The following NTM variants were observed in gnomAD, a reference collection of about 807,000 sequenced individuals.
The protein encoded by NTM is IgLON family member 2.
NTM carries 13 observed loss-of-function variants against 42.1 expected under a neutral mutation model. The observed-to-expected ratio is 0.31, with a 90% CI of 0.20 to 0.49. NTM has a LOEUF of 0.49. NTM is among the 20% of genes least tolerant of loss of function. The probability of loss-of-function intolerance (pLI) is 0.99; values close to 1 mark genes in which losing one functional copy is unlikely to be tolerated. For synonymous variants in NTM, 187 were observed against 179.2 expected (o/e 1.04, Z -0.35); for missense variants, 373 against 452.8 (o/e 0.82, Z 1.60).
intron 1 of NTM, among the ~76,000 whole-genome samples, chr11:131,496,932 G>C (rs1019669282): frequency 2.6e-5 from 4 of 152,204 alleles, no homozygotes; most frequent in African/African-American, 9.6e-5. Context: ...ACCAGCACTG[G>C]AACCTCAGGC....
intron 2 of NTM, among the ~76,000 whole-genome samples, chr11:132,062,388 A>G (rs553752326): frequency 6.6e-6 from 1 of 152,346 alleles, no homozygotes; most frequent in African/African-American, 2.4e-5. Flanking sequence ...AGCTCATTCT[A>G]CAGCACTTCT....
At chr11:131,800,776 C>T (rs2092038780) in intron 1 of NTM, among the ~76,000 whole-genome samples, 1 of 152,158 alleles carries the variant, frequency 6.6e-6, no homozygotes, top group Non-Finnish European at 1.5e-5. Context: ...TTCCTGCAGA[C>T]ATCACAACCT....
chr11:131,803,828 C>G (rs2092322179), intron 1 of NTM, among the ~76,000 whole-genome samples: 1 of 152,220 alleles, frequency 6.6e-6, no homozygotes, highest in Admixed American at 6.5e-5. Flanking sequence ...AAAGCATTCT[C>G]TAGAGTTCTG....
intron 2 of NTM, among the ~76,000 whole-genome samples, chr11:132,022,555 C>A (rs540553493): frequency 2.2e-5 from 3 of 137,584 alleles, no homozygotes; most frequent in Non-Finnish European, 5.1e-5. Context: ...AACTAAGAGC[C>A]CTCTAACACT....
chr11:131,661,448 G>A (rs1415536072), intron 1 of NTM, among the ~76,000 whole-genome samples: 1 of 152,178 alleles, frequency 6.6e-6, no homozygotes, highest in Non-Finnish European at 1.5e-5. Context: ...GAAATTTCTG[G>A]ACAGAAAGGA....
At chr11:131,959,300 G>T (rs546327367) in intron 2 of NTM, among the ~76,000 whole-genome samples, 2 of 152,248 alleles carry the variant, frequency 1.3e-5, no homozygotes, top group South Asian at 4.1e-4. Context: ...CACCATTTCT[G>T]TCTTAAAGTT....
chr11:131,713,090 T>C (rs1423084899), intron 1 of NTM, among the ~76,000 whole-genome samples: 1 of 151,998 alleles, frequency 6.6e-6, no homozygotes, highest in Non-Finnish European at 1.5e-5. Context: ...GGTGTCTCCA[T>C]AGAACAACAT....
At chr11:132,059,050 A>G (rs1381035272) in intron 2 of NTM, among the ~76,000 whole-genome samples, 1 of 152,244 alleles carries the variant, frequency 6.6e-6, no homozygotes, top group African/African-American at 2.4e-5. Flanking sequence ...TTTCTAGCTT[A>G]AAAAACCAAT....
At chr11:131,475,490 G>T (rs1488147524) in intron 1 of NTM, among the ~76,000 whole-genome samples, 1 of 150,722 alleles carries the variant, frequency 6.6e-6, no homozygotes, top group Non-Finnish European at 1.5e-5. Flanking sequence ...AAATTGCCCT[G>T]AGGAGGAGGA....
At chr11:131,568,287 C>T (rs2057097496) in intron 1 of NTM, among the ~76,000 whole-genome samples, 1 of 152,220 alleles carries the variant, frequency 6.6e-6, no homozygotes. Flanking sequence ...TAAATCTTCA[C>T]AGTCCTCTTG....
chr11:131,924,661 C>CA (rs112687706), intron 2 of NTM, among the ~76,000 whole-genome samples: 61,164 of 151,958 alleles, frequency 0.4, 12,998 homozygotes, highest in Middle Eastern at 0.54. Flanking sequence ...TCCTGTTTGG[C>CA]GAGCTCCATC....
chr11:131,779,528 C>T (rs2087676377), intron 1 of NTM, among the ~76,000 whole-genome samples: 1 of 152,030 alleles, frequency 6.6e-6, no homozygotes, highest in South Asian at 2.1e-4. Flanking sequence ...ATAGTCTGTG[C>T]CGTTTATTTT....
chr11:131,847,559 A>G (rs919160758), intron 1 of NTM, among the ~76,000 whole-genome samples: 9 of 152,218 alleles, frequency 5.9e-5, no homozygotes, highest in African/African-American at 2.2e-4. Flanking sequence ...GGAATCCCAC[A>G]GTTCCTTCAG....
At chr11:132,131,603 T>A (rs556532406) in intron 2 of NTM, among the ~76,000 whole-genome samples, 2 of 151,956 alleles carry the variant, frequency 1.3e-5, no homozygotes, top group South Asian at 4.1e-4. Flanking sequence ...GGGAAATGGG[T>A]TGGGGCATGG....
chr11:132,165,906 A>G (rs907747982), intron 3 of NTM, among the ~76,000 whole-genome samples: 2 of 152,142 alleles, frequency 1.3e-5, no homozygotes, highest in Non-Finnish European at 2.9e-5. Flanking sequence ...ATTTGATACT[A>G]CTGTACAGTG....
chr11:131,836,702 T>A (rs982304585), intron 1 of NTM, among the ~76,000 whole-genome samples: 7 of 152,182 alleles, frequency 4.6e-5, no homozygotes, highest in African/African-American at 1.4e-4. Context: ...TTACTTTAAA[T>A]ATGTGAAAAA....
At chr11:131,832,069 A>G (rs893000655) in intron 1 of NTM, among the ~76,000 whole-genome samples, 9 of 151,074 alleles carry the variant, frequency 6.0e-5, no homozygotes, top group African/African-American at 2.2e-4. Context: ...CAGGTGGATG[A>G]ACCAAAAGAA....
At chr11:131,898,297 G>C (rs2052607917) in intron 1 of NTM, among the ~76,000 whole-genome samples, 1 of 152,156 alleles carries the variant, frequency 6.6e-6, no homozygotes. Flanking sequence ...TCTGCCTGTG[G>C]GGAAGTATGA....
At chr11:131,732,485 T>C (rs1050170504) in intron 1 of NTM, among the ~76,000 whole-genome samples, 1 of 152,182 alleles carries the variant, frequency 6.6e-6, no homozygotes, top group Non-Finnish European at 1.5e-5. Context: ...GAATTGGTCA[T>C]GCCGAATTGG....
Sources: gnomAD v4.1 joint callset for allele counts (sites outside exome capture counted in the v4.1 genomes callset) on GRCh38, gnomAD v4.1.1 for gene constraint, MANE v1.5 for transcripts, NCBI Gene and HGNC (gene_info 2026-07-23, HGNC 2026-07-21) for gene names.